IL23R: variants seen among roughly 807,000 people sequenced by gnomAD.
IL23R encodes the protein interleukin-23 receptor.
In IL23R, 34 loss-of-function variants were observed where a neutral mutation model predicts 56.9. The observed-to-expected ratio is 0.60, with a 90% CI of 0.45 to 0.80. The LOEUF is 0.80. Among genes scored for constraint, IL23R ranks in the 30% least tolerant of loss-of-function variants. The pLI is 0.00. For synonymous variants in IL23R, 230 were observed against 249.2 expected (o/e 0.92, Z 0.73); for missense variants, 635 against 730.0 (o/e 0.87, Z 1.50).
chr1:67,192,667 G>A, intron 4 of IL23R, among the ~76,000 whole-genome samples: 1 of 152,136 alleles, frequency 6.6e-6, no homozygotes, highest in South Asian at 2.1e-4. Flanking sequence ...AATGGCAACT[G>A]TATCCTTTGC....
chr1:67,208,845 T>C (rs1282698523), intron 6 of IL23R, among the ~76,000 whole-genome samples: 1 of 152,102 alleles, frequency 6.6e-6, no homozygotes, highest in African/African-American at 2.4e-5. Context: ...GAATGGTAGA[T>C]CCACCAACAG....
chr1:67,246,277 A>AT (rs1284750917), intron 9 of IL23R, among the ~76,000 whole-genome samples: 7 of 151,914 alleles, frequency 4.6e-5, no homozygotes, highest in Admixed American at 3.3e-4. Context: ...GGATTCATTG[A>AT]TTTTTTTGAA....
chr1:67,228,002 C>CTT lies in IL23R; in HGVS notation c.955+8274_955+8275dup, dbSNP rs1222256742. ...TCTTTCTTTCTTTCTTTCTTTCTTTCTTTCTTTCTTTCTTTCTTCCTTTCT... is the reference window on the plus strand; with the variant it reads ...TCTTTCTTTCTTTCTTTCTTTCTTTCTTTTTCTTTCTTTCTTTCTTCCTTTCT... On this transcript the variant is annotated intron_variant, in intron 7 of 10. Transcript: ENST00000347310. Among the ~76,000 whole-genome samples, 3 of 106,140 alleles carry CTT rather than the reference C, an allele frequency of 2.8e-5. No individual in the cohort carries two copies. In the East Asian group the frequency reaches 6.5e-4, roughly 23 times the overall value. The allele number at this position is 106,140 out of a possible 152,430, so 69.6% of individuals were successfully genotyped here. A position where few individuals can be genotyped will look rare whatever the true frequency, so the allele number is the denominator to read the frequency against.
Position 67,255,142 on chromosome 1 carries a change from C to T in IL23R, c.1149-695C>T, listed in dbSNP as rs749201348. Among the ~76,000 whole-genome samples the T allele has an allele frequency of 9.2e-5, 14 of 152,320 alleles. No individual in the cohort carries two copies. In the South Asian group the frequency reaches 1.7e-3, roughly 18 times the overall value. ...TCTCTTTTTAAATATGCGGTAGTTA[C>T]GGTCACCTTGGAAAGTTCTACAAAA... is the stretch of plus-strand genomic sequence containing the variant. On this transcript the variant is annotated intron_variant, in intron 9 of 10. Transcript: ENST00000347310.
At chr1:67,233,942 T>C (rs1651287452) in intron 7 of IL23R, among the ~76,000 whole-genome samples, 1 of 144,982 alleles carries the variant, frequency 6.9e-6, no homozygotes, top group African/African-American at 2.8e-5. Flanking sequence ...TGTGTGTGTG[T>C]GTGTGTGTGT....
intron 5 of IL23R, 111 bp downstream of exon 5, chr1:67,201,008 T>A: frequency 9.1e-7 from 1 of 1,100,122 alleles, no homozygotes; most frequent in East Asian, 2.4e-5. Flanking sequence ...CAGAGCATGA[T>A]AAAAGAAACA....
At position 67,259,381 on chromosome 1, in the gene IL23R, C is replaced by T; in HGVS notation, c.*253C>T. On this transcript the variant is annotated 3_prime_UTR_variant, in exon 11 of 11. Transcript: ENST00000347310. ...GACATTTCTGTGCTCCTACCATCAC[C>T]ATGTAAGAATTCCCGGGAGCTCCAT... is the stretch of plus-strand genomic sequence containing the variant. The T allele has an allele frequency of 2.1e-6, 1 of 478,392 alleles. No individual in the cohort carries two copies. The highest frequency in any genetic ancestry group is 3.8e-6 in the Non-Finnish European group (1 of 264,428). 29.6% of individuals were successfully genotyped at this position (478,392 alleles called of 1,614,324 possible). A position where few individuals can be genotyped will look rare whatever the true frequency, so the allele number is the denominator to read the frequency against.
At chr1:67,178,898 T>G (rs1341878786) in intron 3 of IL23R, among the ~76,000 whole-genome samples, 1 of 152,252 alleles carries the variant, frequency 6.6e-6, no homozygotes, top group Non-Finnish European at 1.5e-5. Flanking sequence ...TCATTGGTTC[T>G]GTTGATATGC....
Position 67,169,329 on chromosome 1 carries a change from C to A in IL23R, c.71-13C>A. ...TTTTACGTGTAATTTATTATTTTTCCATTTATTTCTAGGAATTACAAATAT... is the reference window on the plus strand; with the variant it reads ...TTTTACGTGTAATTTATTATTTTTCAATTTATTTCTAGGAATTACAAATAT... On this transcript the variant is annotated splice_polypyrimidine_tract_variant and intron_variant, in intron 2 of 10. Coordinates refer to ENST00000347310, the MANE Select transcript of IL23R (RefSeq NM_144701.3). 2 of 1,584,614 alleles carry A rather than the reference C, an allele frequency of 1.3e-6. No homozygotes were observed. Among genetic ancestry groups the A allele is most frequent in the Non-Finnish European group, 1.7e-6 (2 of 1,158,078 alleles).
chr1:67,170,786 GACCCATATC>G (rs1646933528), intron 3 of IL23R, among the ~76,000 whole-genome samples: 6 of 152,282 alleles, frequency 3.9e-5, no homozygotes, highest in African/African-American at 1.4e-4. Flanking sequence ...CTGGGGGGCA[GACCCATATC>G]ACCACTACCA....
intron 6 of IL23R, among the ~76,000 whole-genome samples, chr1:67,211,752 G>A (rs189678865): frequency 4.7e-4 from 71 of 152,290 alleles, no homozygotes; most frequent in East Asian, 2.7e-3. Context: ...GTTTTCAGAA[G>A]CCAACTGTTT....
chr1:67,206,038 A>C (rs946344528), intron 5 of IL23R, among the ~76,000 whole-genome samples: 3 of 145,604 alleles, frequency 2.1e-5, no homozygotes, highest in African/African-American at 7.7e-5. Context: ...TTTTTGACAG[A>C]GTCTCGCTCC....
At chr1:67,161,803 T>C (rs1173508716), upstream of IL23R, among the ~76,000 whole-genome samples, 1 of 151,900 alleles carries the variant, frequency 6.6e-6, no homozygotes. Context: ...AATTTTTGTA[T>C]TTTTAGTAGA....
chr1:67,234,707 C>CCTT (rs1553296307), intron 7 of IL23R, among the ~76,000 whole-genome samples: 1 of 117,584 alleles, frequency 8.5e-6, no homozygotes, highest in Non-Finnish European at 1.7e-5. Context: ...TATTTTTACT[C>CCTT]TTTTTTTTTT....
intron 9 of IL23R, among the ~76,000 whole-genome samples, chr1:67,240,990 C>T (rs1651809524): frequency 6.6e-6 from 1 of 152,260 alleles, no homozygotes; most frequent in African/African-American, 2.4e-5. Context: ...GGCCAAGACT[C>T]AGCTATTGTT....
At position 67,244,572 on chromosome 1, in the gene IL23R, C is replaced by G. The variant is rs1652086127; in HGVS notation, c.1148+4291C>G. Among the ~76,000 whole-genome samples the G allele has an allele frequency of 3.3e-5, 5 of 152,084 alleles. 1 individual carries two copies. The South Asian group carries it at 1.0e-3, about 32-fold the overall frequency. On this transcript the variant is annotated intron_variant, in intron 9 of 10. Coordinates refer to ENST00000347310, the MANE Select transcript of IL23R (RefSeq NM_144701.3). Reference sequence around the variant, plus strand: ...AACACAATTTATTAAATAGGGAATCCTTTCCCTATTGCTCGTTTTTGTCAG... The same window carrying G: ...AACACAATTTATTAAATAGGGAATCGTTTCCCTATTGCTCGTTTTTGTCAG...
intron 6 of IL23R, among the ~76,000 whole-genome samples, chr1:67,216,794 T>C (rs1256775430): frequency 6.6e-6 from 1 of 152,196 alleles, no homozygotes; most frequent in Non-Finnish European, 1.5e-5. Flanking sequence ...AGCATACAGA[T>C]AGCAAAGACA....
chr1:67,189,721 G>T (rs1006939247), intron 4 of IL23R, among the ~76,000 whole-genome samples: 3 of 152,176 alleles, frequency 2.0e-5, no homozygotes, highest in Admixed American at 2.0e-4. Context: ...GAGGCAGGTG[G>T]ATTGCTTGAG....
At chr1:67,156,122 A>G (rs550870623) in intron 1 of IL23R, among the ~76,000 whole-genome samples, 12 of 152,188 alleles carry the variant, frequency 7.9e-5, no homozygotes, top group African/African-American at 2.9e-4. Flanking sequence ...ACCAGTGGAG[A>G]CTGCAGAACA....
Sources: gnomAD v4.1 joint callset for allele counts (sites outside exome capture counted in the v4.1 genomes callset) on GRCh38, gnomAD v4.1.1 for gene constraint, MANE v1.5 for transcripts, NCBI Gene and HGNC (gene_info 2026-07-23, HGNC 2026-07-21) for gene names.